PPARG: variants seen among roughly 807,000 people sequenced by gnomAD.
PPARG encodes the protein peroxisome proliferator-activated receptor gamma.
A neutral mutation model predicts 39.2 loss-of-function variants in PPARG; 17 were observed. The ratio of observed to expected loss-of-function variants is 0.43; its 90% CI spans 0.30 to 0.65. The LOEUF (loss-of-function observed/expected upper bound fraction) is 0.65. PPARG is among the 30% of genes least tolerant of loss of function. PPARG has a pLI of 0.13. For synonymous variants in PPARG, 223 were observed against 215.7 expected (o/e 1.03, Z -0.30); for missense variants, 406 against 585.9 (o/e 0.69, Z 3.17).
chr3:12,417,159 G>A lies in PPARG; in HGVS notation c.1180+5G>A. On this transcript the variant is annotated splice_donor_5th_base_variant and intron_variant, in intron 7 of 7. Coordinates refer to ENST00000651735, the MANE Select transcript of PPARG (RefSeq NM_138711.6). ...CTGTCATTATTCTCAGTGGAGGTAAGATTTGTCTTTTGATCTTCTATGAAA... is the reference window on the plus strand; with the variant it reads ...CTGTCATTATTCTCAGTGGAGGTAAAATTTGTCTTTTGATCTTCTATGAAA... 1 of 1,613,260 alleles carries A rather than the reference G, an allele frequency of 6.2e-7. No individual in the cohort carries two copies. Among genetic ancestry groups the A allele is most frequent in the Non-Finnish European group, 8.5e-7 (1 of 1,179,778 alleles).
chr3:12,365,706 G>T (rs1461743381), intron 2 of PPARG, among the ~76,000 whole-genome samples: 1 of 152,058 alleles, frequency 6.6e-6, no homozygotes, highest in Non-Finnish European at 1.5e-5. Context: ...AAGATCAGCT[G>T]ACTACATTTA....
intron 2 of PPARG, among the ~76,000 whole-genome samples, chr3:12,377,990 A>G (rs932459911): frequency 1.3e-5 from 2 of 152,286 alleles, no homozygotes; most frequent in Middle Eastern, 3.4e-3. Flanking sequence ...AAGAAGACAT[A>G]CAAGTGGCCA....
chr3:12,338,835 G>A (rs544278829), intron 2 of PPARG, among the ~76,000 whole-genome samples: 29 of 152,186 alleles, frequency 1.9e-4, no homozygotes, highest in African/African-American at 7.0e-4. Context: ...ACTAACCTTA[G>A]ACAACTAAAG....
At chr3:12,340,436 G>A (rs1467461919) in intron 2 of PPARG, among the ~76,000 whole-genome samples, 1 of 152,078 alleles carries the variant, frequency 6.6e-6, no homozygotes, top group Non-Finnish European at 1.5e-5. Context: ...TTATTGCGGG[G>A]GAGAGGTGCT....
intron 2 of PPARG, among the ~76,000 whole-genome samples, chr3:12,343,861 ATT>A (rs3031383): frequency 3.8e-5 from 5 of 131,040 alleles, no homozygotes; most frequent in Admixed American, 7.7e-5. Flanking sequence ...ATCTCACCGA[ATT>A]TTTTTTTTTT....
chr3:12,432,168 T>C (rs1220885167), intron 7 of PPARG, among the ~76,000 whole-genome samples: 1 of 152,218 alleles, frequency 6.6e-6, no homozygotes, highest in Non-Finnish European at 1.5e-5. Flanking sequence ...AACAGATCAT[T>C]ACTGCGTTGA....
chr3:12,351,420 C>G, intron 2 of PPARG: 6 of 653,298 alleles, frequency 9.2e-6, no homozygotes, highest in Middle Eastern at 4.1e-4. Context: ...CAAGCCCAGT[C>G]CTTTCTGTGT....
intron 7 of PPARG, among the ~76,000 whole-genome samples, chr3:12,426,542 G>T (rs1029718296): frequency 2.0e-5 from 3 of 151,992 alleles, no homozygotes; most frequent in East Asian, 3.9e-4. Flanking sequence ...GCAGCGGGGG[G>T]CAGGGAGGGG....
At chr3:12,361,216 C>T (rs1335244455) in intron 2 of PPARG, among the ~76,000 whole-genome samples, 1 of 152,186 alleles carries the variant, frequency 6.6e-6, no homozygotes, top group Non-Finnish European at 1.5e-5. Flanking sequence ...TGTAAAGTAC[C>T]TGTTCAAGTC....
intron 2 of PPARG, among the ~76,000 whole-genome samples, chr3:12,354,012 C>G (rs1256223774): frequency 6.6e-6 from 1 of 152,144 alleles, no homozygotes; most frequent in Non-Finnish European, 1.5e-5. Flanking sequence ...TGGAAATATG[C>G]CTTAGAGACA....
intron 6 of PPARG, among the ~76,000 whole-genome samples, chr3:12,408,667 C>A (rs709148): frequency 0.6 from 89,378 of 149,314 alleles, 28,139 homozygotes; most frequent in African/African-American, 0.8. Flanking sequence ...GGGCTCAAGC[C>A]GTCCTCCCAC....
At position 12,353,238 on chromosome 3, in the gene PPARG, G is replaced by A. The variant is rs560468728; in HGVS notation, c.-8-26466G>A. Among the ~76,000 whole-genome samples, 4 of 152,180 alleles carry A rather than the reference G, an allele frequency of 2.6e-5. No homozygotes were observed. The South Asian group carries it at 6.2e-4, about 24-fold the overall frequency. ...AACATAGTGCAGAATGAAATTATTA[G>A]CAATTAAAACATTATATTTTGTACC... On this transcript the variant is annotated intron_variant, in intron 2 of 7. Transcript: ENST00000651735.
chr3:12,415,952 T>A (rs1575140125), intron 6 of PPARG, among the ~76,000 whole-genome samples: 2 of 152,370 alleles, frequency 1.3e-5, no homozygotes, highest in East Asian at 1.9e-4. Context: ...AAAATTTTTT[T>A]AAACCTGTAG....
intron 1 of PPARG, among the ~76,000 whole-genome samples, chr3:12,293,893 GTCATACA>G (rs2046713012): frequency 6.6e-6 from 1 of 152,188 alleles, no homozygotes; most frequent in African/African-American, 2.4e-5. Context: ...CCCTCTGGCT[GTCATACA>G]CCTCTTAAAA....
intron 1 of PPARG, among the ~76,000 whole-genome samples, chr3:12,290,042 A>G (rs2046609797): frequency 6.6e-6 from 1 of 152,190 alleles, no homozygotes; most frequent in African/African-American, 2.4e-5. Context: ...TGTACTTCAC[A>G]TAATTTTTCT....
chr3:12,297,644 C>T (rs924611755), intron 1 of PPARG, among the ~76,000 whole-genome samples: 4 of 152,022 alleles, frequency 2.6e-5, no homozygotes, highest in African/African-American at 9.7e-5. Context: ...GGAAAGAAAC[C>T]CATCTCTGTT....
intron 2 of PPARG, chr3:12,351,413 G>A (rs1338468135): frequency 1.1e-5 from 7 of 646,062 alleles, no homozygotes; most frequent in Middle Eastern, 4.1e-4. Context: ...GCCAATTCAA[G>A]CCCAGTCCTT....
At chr3:12,420,270 T>C (rs1191241880) in intron 7 of PPARG, among the ~76,000 whole-genome samples, 2 of 152,242 alleles carry the variant, frequency 1.3e-5, no homozygotes, top group African/African-American at 4.8e-5. Context: ...CTCAGGCATC[T>C]ATCGAGGATG....
At chr3:12,374,416 T>A (rs1447775019) in intron 2 of PPARG, among the ~76,000 whole-genome samples, 2 of 151,790 alleles carry the variant, frequency 1.3e-5, no homozygotes, top group Non-Finnish European at 2.9e-5. Context: ...CTGGCCAACA[T>A]AGTGAAACCC....
Sources: allele counts gnomAD v4.1 joint callset (sites outside exome capture counted in the v4.1 genomes callset), GRCh38; gene constraint gnomAD v4.1.1; transcripts MANE v1.5; gene names NCBI Gene and HGNC (gene_info 2026-07-23, HGNC 2026-07-21).